Variants in LHFPL2 observed in about 807,000 individuals in gnomAD.
The protein encoded by LHFPL2 is LHFPL tetraspan subfamily member 2, also known as LHFPL tetraspan subfamily member 2 protein.
Under a neutral mutation model 17.5 loss-of-function variants are expected in LHFPL2, and 7 were observed. The observed-to-expected ratio is 0.40, with a 90% confidence interval of 0.23 to 0.75. LHFPL2 has a LOEUF of 0.75. Among genes scored for constraint, LHFPL2 ranks in the 30% least tolerant of loss-of-function variants. The pLI, the probability that LHFPL2 is intolerant of heterozygous loss-of-function variation, is 0.37. For synonymous variants in LHFPL2, 134 were observed against 116.2 expected (o/e 1.15, Z -0.99); for missense variants, 241 against 294.8 (o/e 0.82, Z 1.34).
In LHFPL2 at chr5:78,545,163, G is replaced by A. The variant is rs12652695; in HGVS notation, c.-186+19650C>T. ...TCACAGCCATTTGGTCCAAAACCAC[G>A]CAGAGAGCGCTTCTTCACGTCCAGC... On this transcript the variant is annotated intron_variant, in intron 3 of 4. Transcript: ENST00000380345. Among the ~76,000 whole-genome samples, 14 of 152,084 alleles carry A rather than the reference G, an allele frequency of 9.2e-5. No homozygotes were observed. In the East Asian group the frequency reaches 2.1e-3, roughly 23 times the overall value.
chr5:78,624,810 T>G (rs1400656342), intron 2 of LHFPL2: 1 of 152,006 alleles, frequency 6.6e-6, no homozygotes, highest in Non-Finnish European at 1.5e-5. Context: ...TTTCTTTTTT[T>G]TTTTTTCTTT....
At chr5:78,558,799 G>A (rs905003370) in intron 3 of LHFPL2, among the ~76,000 whole-genome samples, 1 of 152,160 alleles carries the variant, frequency 6.6e-6, no homozygotes, top group African/African-American at 2.4e-5. Flanking sequence ...CTTTTCCACC[G>A]AGGGAAAACA....
In LHFPL2 at chr5:78,648,307, C is replaced by A. The variant is rs1401955229; in HGVS notation, c.-350+192G>T. 6.6e-6 allele frequency among the ~76,000 whole-genome samples: 1 copy of A among 152,060 alleles called. No homozygotes were observed. Among genetic ancestry groups the A allele is most frequent in the African/African-American group, 2.4e-5 (1 of 41,436 alleles). On this transcript the variant is annotated intron_variant, in intron 1 of 4. Coordinates refer to ENST00000380345, the MANE Select transcript of LHFPL2 (RefSeq NM_005779.3). This position sits in a 1 kb window ranked among gnomAD's most constrained non-coding sequence, Gnocchi z 5.4. ...CATTCCCAGCACCCAACGCCCATCC[C>A]GCAGCACCTCCGACCGCTCGGCGCG...
intron 1 of LHFPL2, among the ~76,000 whole-genome samples, chr5:78,635,759 C>T (rs981203502): frequency 3.3e-5 from 5 of 152,118 alleles, no homozygotes; most frequent in Non-Finnish European, 7.4e-5. Flanking sequence ...GCCGAGATCG[C>T]GCCACTGCAC....
intron 2 of LHFPL2, among the ~76,000 whole-genome samples, chr5:78,596,774 G>T (rs1247267133): frequency 6.6e-6 from 1 of 152,078 alleles, no homozygotes; most frequent in East Asian, 1.9e-4. Context: ...ACATTCTGAT[G>T]CTGGTAGGTT....
rs559993107 is a variant in LHFPL2 at position 78,646,585 on chromosome 5, A to G, written c.-350+1914T>C. On this transcript the variant is annotated intron_variant, in intron 1 of 4. Coordinates refer to ENST00000380345, the MANE Select transcript of LHFPL2 (RefSeq NM_005779.3). The stretch of plus-strand genomic sequence containing the variant: ...CCAATAGCCCAAATTTGGGTCTCCT[A>G]TATTTGGGTTTACCACTTCATCAAT... Among the ~76,000 whole-genome samples, 15 of 152,340 alleles carry G rather than the reference A, an allele frequency of 9.8e-5. 1 individual carries two copies. The South Asian group carries it at 2.9e-3, about 29-fold the overall frequency.
At chr5:78,633,407 G>A (rs13162495) in intron 1 of LHFPL2, among the ~76,000 whole-genome samples, 38,498 of 152,172 alleles carry the variant, frequency 0.25, 5,316 homozygotes, top group Middle Eastern at 0.35. Context: ...GTGGCACCGT[G>A]TAGTGCAGCA....
chr5:78,615,180 G>A (rs1012458945), intron 2 of LHFPL2, among the ~76,000 whole-genome samples: 5 of 152,312 alleles, frequency 3.3e-5, no homozygotes, highest in Non-Finnish European at 7.3e-5. Flanking sequence ...CCCTCCCACA[G>A]CCAAAAGCCT....
chr5:78,642,740 T>G (rs896960812), intron 1 of LHFPL2, among the ~76,000 whole-genome samples: 1 of 152,184 alleles, frequency 6.6e-6, no homozygotes, highest in Non-Finnish European at 1.5e-5. Flanking sequence ...GGGCTTGTAG[T>G]TCAGTTTTGG....
chr5:78,539,808 G>A (rs1756053846), intron 3 of LHFPL2, among the ~76,000 whole-genome samples: 1 of 138,940 alleles, frequency 7.2e-6, no homozygotes, highest in African/African-American at 2.8e-5. Context: ...AACCAGGCAA[G>A]ACTTTTGCTT....
intron 2 of LHFPL2, among the ~76,000 whole-genome samples, chr5:78,607,745 C>T (rs1034250224): frequency 5.3e-5 from 8 of 152,294 alleles, no homozygotes; most frequent in South Asian, 2.1e-4. Context: ...CTTTCAAATA[C>T]GGCTTCAATT....
chr5:78,585,785 A>G (rs1021137735), intron 2 of LHFPL2, among the ~76,000 whole-genome samples: 1 of 151,696 alleles, frequency 6.6e-6, no homozygotes, highest in Non-Finnish European at 1.5e-5. Flanking sequence ...TTCATGAAAA[A>G]CTCACAACAA....
chr5:78,564,653 T>C (rs1756813116), intron 3 of LHFPL2, among the ~76,000 whole-genome samples, 160 bp downstream of exon 3: 1 of 152,238 alleles, frequency 6.6e-6, no homozygotes, highest in Non-Finnish European at 1.5e-5. Flanking sequence ...CATTTATGTA[T>C]GCTGATCCAA....
chr5:78,594,208 C>T (rs1743748296), intron 2 of LHFPL2, among the ~76,000 whole-genome samples: 1 of 152,156 alleles, frequency 6.6e-6, no homozygotes, highest in Admixed American at 6.5e-5. Flanking sequence ...TAACACTAGA[C>T]AAGAAGAGAG....
intron 3 of LHFPL2, among the ~76,000 whole-genome samples, chr5:78,539,999 G>A (rs928092845): frequency 6.6e-6 from 1 of 152,168 alleles, no homozygotes; most frequent in Non-Finnish European, 1.5e-5. Flanking sequence ...GGCTGTATGA[G>A]TCTCTACAAG....
rs188109956 is a variant in LHFPL2, at chr5:78,592,876, T to C, written c.-244-28005A>G. Among the ~76,000 whole-genome samples the C allele has an allele frequency of 4.3e-3, 659 of 152,322 alleles. 5 individuals carry two copies. Among genetic ancestry groups the C allele is most frequent in the African/African-American group, 0.015 (631 of 41,554 alleles). On this transcript the variant is annotated intron_variant, in intron 2 of 4. Coordinates refer to ENST00000380345, the MANE Select transcript of LHFPL2 (RefSeq NM_005779.3). ...AAAAATTATTCAGAATGAGGAGTTA[T>C]TGTTTCTTGGGTACAGAGTTTCAGT...
At chr5:78,584,995 G>GGT (rs1380832622) in intron 2 of LHFPL2, among the ~76,000 whole-genome samples, 1 of 40,504 alleles carries the variant, frequency 2.5e-5, no homozygotes, top group East Asian at 5.6e-4. Context: ...GGTGCGCTGT[G>GGT]TTTTTTTTTT....
rs1177905919 is a variant in LHFPL2 at position 78,636,707 on chromosome 5, T to C, written c.-349-4339A>G. Reference sequence around the variant, plus strand: ...TCACTATCGAGACATTCTTAAAGACTTCTCTACAGAGGCCCAAAGCTTATG... The same window carrying C: ...TCACTATCGAGACATTCTTAAAGACCTCTCTACAGAGGCCCAAAGCTTATG... On this transcript the variant is annotated intron_variant, in intron 1 of 4. Transcript: ENST00000380345. Among the ~76,000 whole-genome samples, 5 of 152,152 alleles carry C rather than the reference T, an allele frequency of 3.3e-5. No homozygotes were observed. In the East Asian group the frequency reaches 9.6e-4, roughly 29 times the overall value.
chr5:78,588,978 T>C (rs1474001315), intron 2 of LHFPL2, among the ~76,000 whole-genome samples: 1 of 152,196 alleles, frequency 6.6e-6, no homozygotes, highest in Non-Finnish European at 1.5e-5. Context: ...TATTGTTACA[T>C]ATCTCATTTA....
Sources: gnomAD v4.1 joint callset for allele counts (sites outside exome capture counted in the v4.1 genomes callset) on GRCh38, gnomAD v4.1.1 for gene constraint, Gnocchi (gnomAD v3.1) non-coding constraint, MANE v1.5 for transcripts, NCBI Gene and HGNC (gene_info 2026-07-23, HGNC 2026-07-21) for gene names.